NAV3: variants seen among roughly 807,000 people sequenced by gnomAD.
NAV3 encodes neuron navigator 3.
In NAV3, 87 loss-of-function variants were observed where a neutral mutation model predicts 244.7. That is an observed-to-expected ratio of 0.36 (90% CI 0.30 to 0.42). NAV3 has a LOEUF of 0.42. NAV3 is among the 20% of genes least tolerant of loss of function. The pLI is 1.00. For synonymous variants in NAV3, 1,126 were observed against 1,042.2 expected (o/e 1.08, Z -1.55); for missense variants, 2,663 against 2,893.3 (o/e 0.92, Z 1.83).
intron 2 of NAV3, among the ~76,000 whole-genome samples, chr12:77,706,887 A>C (rs1875836737): frequency 7.0e-6 from 1 of 141,892 alleles, no homozygotes; most frequent in East Asian, 2.0e-4. Context: ...AAAAAAAAAA[A>C]AAAAAACCAA....
At position 78,119,932 on chromosome 12, in the gene NAV3, C is replaced by T. The variant is rs2138641109; in HGVS notation, c.3736C>T (p.Pro1246Ser). 1.1e-5 allele frequency: 18 copies of T among 1,611,286 alleles called. No individual in the cohort carries two copies. The highest frequency in any genetic ancestry group is 1.4e-5 in the Non-Finnish European group (17 of 1,178,086). ...PGSKYPDIAS[P>S]TFRRLFGAKA... The stretch of plus-strand genomic sequence containing the variant: ...ATCCAAGTATCCAGATATTGCCTCA[C>T]CCACATTTCGAAGGTAAGGATGTAT... The change falls in exon 15 of 40, where the codon CCC becomes TCC. Residue 1246 changes from proline (P) to serine (S), a missense_variant. Pro to Ser is a moderately conservative substitution (Grantham distance 74). Transcript: ENST00000397909.
intron 2 of NAV3, among the ~76,000 whole-genome samples, chr12:77,667,319 G>A (rs1873759634): frequency 6.6e-6 from 1 of 152,184 alleles, no homozygotes; most frequent in South Asian, 2.1e-4. Flanking sequence ...AAAAAACTGA[G>A]TCAGCTTGCT....
At chr12:77,608,320 G>T (rs573589462) in intron 2 of NAV3, among the ~76,000 whole-genome samples, 9 of 152,056 alleles carry the variant, frequency 5.9e-5, no homozygotes, top group Non-Finnish European at 1.0e-4. Context: ...CATATTTGTT[G>T]TTGTAAACAA....
At chr12:78,029,578 G>C (rs1566035145) in intron 9 of NAV3, among the ~76,000 whole-genome samples, 1 of 152,044 alleles carries the variant, frequency 6.6e-6, no homozygotes, top group Non-Finnish European at 1.5e-5. Context: ...CATCCCTAAG[G>C]GGCCCACTTC....
At chr12:77,748,240 T>C (rs558886336) in intron 2 of NAV3, among the ~76,000 whole-genome samples, 9 of 152,308 alleles carry the variant, frequency 5.9e-5, no homozygotes, top group Admixed American at 2.0e-4. Context: ...GAAAATTATA[T>C]CAGTCATTCA....
intron 1 of NAV3, among the ~76,000 whole-genome samples, chr12:77,872,343 C>T (rs76949651): frequency 0.024 from 3,611 of 151,304 alleles, 125 homozygotes; most frequent in African/African-American, 0.082. Flanking sequence ...CCAGCTAATA[C>T]GGAAAAAAAA....
chr12:77,680,077 G>A (rs1020598715), intron 2 of NAV3, among the ~76,000 whole-genome samples: 1 of 152,152 alleles, frequency 6.6e-6, no homozygotes, highest in African/African-American at 2.4e-5. Context: ...AGATTGCATG[G>A]TGTTATACTG....
chr12:77,914,946 A>G (rs1034460717), intron 1 of NAV3, among the ~76,000 whole-genome samples: 2 of 151,922 alleles, frequency 1.3e-5, no homozygotes, highest in Admixed American at 6.6e-5. Context: ...TAAAAAATCC[A>G]AGCCAAATGC....
At chr12:77,777,425 T>C (rs974849479) in intron 2 of NAV3, among the ~76,000 whole-genome samples, 9 of 152,316 alleles carry the variant, frequency 5.9e-5, no homozygotes, top group African/African-American at 2.2e-4. Flanking sequence ...CATGTTAGGC[T>C]ACTATTGACC....
chr12:77,826,097 T>C (rs1261368216), upstream of NAV3, among the ~76,000 whole-genome samples: 1 of 152,148 alleles, frequency 6.6e-6, no homozygotes, highest in Non-Finnish European at 1.5e-5. Flanking sequence ...ATGGTATGTT[T>C]TGGAAAATAG....
intron 1 of NAV3, among the ~76,000 whole-genome samples, chr12:77,913,288 A>C (rs548425611): frequency 2.6e-5 from 4 of 152,112 alleles, no homozygotes; most frequent in Non-Finnish European, 5.9e-5. Flanking sequence ...AGCTATGATC[A>C]TATAATACCT....
At chr12:77,730,554 G>A (rs1049645392) in intron 2 of NAV3, among the ~76,000 whole-genome samples, 2 of 151,802 alleles carry the variant, frequency 1.3e-5, no homozygotes, top group Non-Finnish European at 2.9e-5. Context: ...TGTTTATTGA[G>A]CATTGTTATG....
chr12:77,990,449 TC>T (rs111259785), intron 5 of NAV3, among the ~76,000 whole-genome samples: 56,179 of 151,988 alleles, frequency 0.37, 11,184 homozygotes, highest in Non-Finnish European at 0.44. Flanking sequence ...CTGGTAAGTT[TC>T]AGTTCATTGA....
chr12:77,913,836 CTTAA>C (rs1886862162), intron 1 of NAV3, among the ~76,000 whole-genome samples: 1 of 152,138 alleles, frequency 6.6e-6, no homozygotes, highest in Non-Finnish European at 1.5e-5. Context: ...AGTATGTTTC[CTTAA>C]TTATGTTTCC....
chr12:77,718,225 T>C (rs750986008), intron 2 of NAV3, among the ~76,000 whole-genome samples: 1 of 152,236 alleles, frequency 6.6e-6, no homozygotes, highest in Non-Finnish European at 1.5e-5. Flanking sequence ...TTCACATCTT[T>C]AATCCATTTT....
In NAV3 at chr12:78,006,560, A is replaced by G; in HGVS notation, c.1022A>G (p.His341Arg). The G allele has an allele frequency of 2.5e-6, 4 of 1,614,036 alleles. No homozygotes were observed. Among genetic ancestry groups the G allele is most frequent in the Non-Finnish European group, 3.4e-6 (4 of 1,180,020 alleles). ...CGCAGCAAGTCCATGAATGTCAAAC[A>G]CAGTGCCACCTCCACCATGTTGACT... ...PWRSKSMNVK[H>R]SATSTMLTVK... Residue 341 changes from histidine to arginine, a missense_variant, in exon 8 of 40, where the codon CAC (histidine) becomes CGC (arginine). Transcript: ENST00000397909.
intron 9 of NAV3, among the ~76,000 whole-genome samples, chr12:78,044,328 C>A (rs185519352): frequency 1.2e-4 from 18 of 152,290 alleles, no homozygotes; most frequent in African/African-American, 4.3e-4. Flanking sequence ...GTTTTGATTA[C>A]TATGGCCCTG....
chr12:77,982,979 C>T (rs1869836729), intron 5 of NAV3, among the ~76,000 whole-genome samples: 1 of 152,104 alleles, frequency 6.6e-6, no homozygotes, highest in Non-Finnish European at 1.5e-5. Context: ...GGGTGGATAG[C>T]ACAAAGATCT....
rs375138622 is a variant in NAV3 at position 78,006,608 on chromosome 12, C to T, written c.1070C>T (p.Thr357Ile). ...ACTGTAAAGCAGTCAAGTACAGCCACCTCCCCCACACCATCTTCAGACAGA... is the reference window on the plus strand; with the variant it reads ...ACTGTAAAGCAGTCAAGTACAGCCATCTCCCCCACACCATCTTCAGACAGA... ...MLTVKQSSTATSPTPSSDRLK... is the reference protein window; with the variant it reads ...MLTVKQSSTAISPTPSSDRLK... The change falls in exon 8 of 40, where the codon ACC (threonine) becomes ATC (isoleucine). Residue 357 changes from threonine to isoleucine, a missense_variant. Thr to Ile is a moderately conservative substitution (Grantham distance 89, BLOSUM62 -1). This residue lies in a region of NAV3 where 1,521 missense variants were observed against 1,497.0 expected (regional missense o/e 1.02). Transcript: ENST00000397909. The T allele has an allele frequency of 5.0e-6, 8 of 1,614,146 alleles. No homozygotes were observed. The African/African-American group carries it at 9.3e-5, about 19-fold the overall frequency.
Sources: allele counts gnomAD v4.1 joint callset (sites outside exome capture counted in the v4.1 genomes callset), GRCh38; gene constraint gnomAD v4.1.1; regional missense constraint gnomAD v4.1.1; transcripts MANE v1.5; gene names NCBI Gene and HGNC (gene_info 2026-07-23, HGNC 2026-07-21).